The following ATF7IP variants were observed in gnomAD, a reference collection of about 807,000 sequenced individuals.
ATF7IP encodes activating transcription factor 7 interacting protein.
A neutral mutation model predicts 106.4 loss-of-function variants in ATF7IP; 23 were observed. The observed-to-expected ratio is 0.22, with a 90% CI of 0.16 to 0.31. The LOEUF is 0.31. Among genes scored for constraint, ATF7IP ranks in the 10% least tolerant of loss-of-function variants. The pLI is 1.00. For synonymous variants in ATF7IP, 542 were observed against 539.0 expected (o/e 1.01, Z -0.08); for missense variants, 1,334 against 1,524.3 (o/e 0.88, Z 2.08).
At chr12:14,453,375 T>C (rs1943282064) in intron 6 of ATF7IP, among the ~76,000 whole-genome samples, 3 of 152,174 alleles carry the variant, frequency 2.0e-5, no homozygotes, top group African/African-American at 7.2e-5. Context: ...TTTTTTTCAT[T>C]CTCTTTTTGC....
In ATF7IP at chr12:14,444,755, C is replaced by A. The variant is rs149773564; in HGVS notation, c.1930-2233C>A. Among the ~76,000 whole-genome samples the A allele has an allele frequency of 8.6e-3, 1,308 of 151,996 alleles. 12 individuals carry two copies. The highest frequency in any genetic ancestry group is 0.028 in the African/African-American group (1,156 of 41,492). ...TGGATTCATTTTTAAAATGATAATT[C>A]TTTTAAAAAAGAGTTTGAATACCAC... On this transcript the variant is annotated intron_variant, in intron 5 of 14. Coordinates refer to ENST00000261168, the MANE Select transcript of ATF7IP (RefSeq NM_018179.5).
chr12:14,465,463 T>A (rs1943796388), intron 9 of ATF7IP, among the ~76,000 whole-genome samples: 1 of 151,822 alleles, frequency 6.6e-6, no homozygotes, highest in African/African-American at 2.4e-5. Context: ...ATTAGTTTTG[T>A]TAGTCTTTCA....
intron 13 of ATF7IP, 90 bp from the exon 14 acceptor site, chr12:14,496,141 G>T: frequency 1.3e-6 from 1 of 773,446 alleles, no homozygotes; most frequent in Non-Finnish European, 2.1e-6. Context: ...TGAAAACATT[G>T]CTTCACTGCC....
chr12:14,444,964 T>TATGCA (rs1160270575), intron 5 of ATF7IP, among the ~76,000 whole-genome samples: 3 of 151,554 alleles, frequency 2.0e-5, no homozygotes, highest in African/African-American at 7.3e-5. Context: ...TTATGCATAC[T>TATGCA]ATGCAATTTT....
chr12:14,484,089 C>G (rs11524959), intron 13 of ATF7IP, among the ~76,000 whole-genome samples: 1 of 151,958 alleles, frequency 6.6e-6, no homozygotes, highest in Non-Finnish European at 1.5e-5. Context: ...CAACCTGCCA[C>G]CCGGTAGCTA....
At chr12:14,494,333 A>ATATATATATATG (rs1234871100) in intron 13 of ATF7IP, among the ~76,000 whole-genome samples, 25 of 85,974 alleles carry the variant, frequency 2.9e-4, no homozygotes, top group Non-Finnish European at 4.1e-4. Flanking sequence ...ATATATATAT[A>ATATATATATATG]TGTGTGTGTG....
intron 2 of ATF7IP, among the ~76,000 whole-genome samples, chr12:14,431,542 G>C (rs1333565148): frequency 6.6e-6 from 1 of 151,922 alleles, no homozygotes; most frequent in Non-Finnish European, 1.5e-5. Context: ...CTACAGGCAT[G>C]TACCACTACA....
chr12:14,391,676 T>C (rs1342447946), intron 1 of ATF7IP, among the ~76,000 whole-genome samples: 1 of 152,218 alleles, frequency 6.6e-6, no homozygotes. Flanking sequence ...CAAAGTACAG[T>C]ACCTATTTAT....
chr12:14,392,528 G>A (rs1939616288), intron 1 of ATF7IP, among the ~76,000 whole-genome samples: 1 of 152,188 alleles, frequency 6.6e-6, no homozygotes, highest in African/African-American at 2.4e-5. Flanking sequence ...TATTTATTAT[G>A]CACCTATTAT....
In ATF7IP at chr12:14,457,281, C is replaced by T; in HGVS notation, c.2144C>T (p.Thr715Ile). ...GAGAGTGCACCACCATCCTTTCAAA[C>T]TCCTGTGAATACAGGTAACTTTTTT... is the stretch of plus-strand genomic sequence containing the variant. ...VSESAPPSFQ[T>I]PVNTVSSTNL... is the part of the protein sequence containing the mutation. The change falls in exon 8 of 15, where the codon ACT (threonine) becomes ATT (isoleucine). Residue 715 changes from threonine to isoleucine, a missense_variant. Coordinates refer to ENST00000261168, the MANE Select transcript of ATF7IP (RefSeq NM_018179.5). The T allele has an allele frequency of 6.2e-7, 1 of 1,611,434 alleles. No individual in the cohort carries two copies. Among genetic ancestry groups the T allele is most frequent in the Non-Finnish European group, 8.5e-7 (1 of 1,178,998 alleles).
chr12:14,410,936 C>T (rs1940879321), intron 1 of ATF7IP, among the ~76,000 whole-genome samples: 1 of 152,126 alleles, frequency 6.6e-6, no homozygotes, highest in Non-Finnish European at 1.5e-5. Flanking sequence ...AAAGTTAATG[C>T]ATGTAGTAGC....
intron 1 of ATF7IP, among the ~76,000 whole-genome samples, chr12:14,423,453 C>T (rs1941640974): frequency 6.6e-6 from 1 of 151,770 alleles, no homozygotes; most frequent in Non-Finnish European, 1.5e-5. Flanking sequence ...TGCTTGGTTG[C>T]AAATGTAATC....
intron 1 of ATF7IP, among the ~76,000 whole-genome samples, chr12:14,366,917 G>C (rs906152053): frequency 6.6e-6 from 1 of 152,100 alleles, no homozygotes; most frequent in Non-Finnish European, 1.5e-5. Flanking sequence ...TTAATTGTAA[G>C]TGTGCTCCTG....
intron 1 of ATF7IP, among the ~76,000 whole-genome samples, chr12:14,413,692 GTT>G (rs1941051544): frequency 6.6e-6 from 1 of 152,002 alleles, no homozygotes; most frequent in African/African-American, 2.4e-5. Context: ...AAAAGGATAT[GTT>G]TTGTTATAGT....
intron 2 of ATF7IP, among the ~76,000 whole-genome samples, chr12:14,433,497 C>G (rs1338881111): frequency 6.6e-6 from 1 of 151,972 alleles, no homozygotes; most frequent in Non-Finnish European, 1.5e-5. Context: ...GAGTGAGACT[C>G]TATCTCAAAA....
chr12:14,462,351 A>G (rs1212885346), intron 9 of ATF7IP, among the ~76,000 whole-genome samples: 2 of 151,978 alleles, frequency 1.3e-5, no homozygotes, highest in African/African-American at 2.4e-5. Flanking sequence ...TTTGGGTGAT[A>G]GTTTATTTTT....
chr12:14,501,676 A>G lies in ATF7IP; in HGVS notation c.*3603A>G, dbSNP rs1014755083. 2 of 152,178 alleles carry G rather than the reference A, an allele frequency of 1.3e-5. No individual in the cohort carries two copies. Among genetic ancestry groups the G allele is most frequent in the African/African-American group, 4.8e-5 (2 of 41,454 alleles). The allele number at this position is 152,178 out of a possible 1,614,324, so 9.4% of individuals were successfully genotyped here. A position where few individuals can be genotyped will look rare whatever the true frequency, so the allele number is the denominator to read the frequency against. On this transcript the variant is annotated 3_prime_UTR_variant, in exon 15 of 15. Coordinates refer to ENST00000261168, the MANE Select transcript of ATF7IP (RefSeq NM_018179.5). The stretch of plus-strand genomic sequence containing the variant: ...TTTGTTGAGATACCATTTGCCTCAC[A>G]GAGAGGTGTTCCCCACTCCCATCCC...
At chr12:14,434,304 A>G (rs1441332778) in intron 2 of ATF7IP, 33 bp from the exon 3 acceptor site, 2 of 1,250,186 alleles carry the variant, frequency 1.6e-6, no homozygotes, top group South Asian at 1.3e-5. Context: ...ATTCTAGTAG[A>G]AGTAAGATTT....
intron 13 of ATF7IP, chr12:14,481,701 A>G (rs773978179): frequency 1.6e-5 from 6 of 375,972 alleles, no homozygotes; most frequent in Non-Finnish European, 2.6e-5. Context: ...CTGTATTAGT[A>G]TAGTACACAA....
Sources: allele counts gnomAD v4.1 joint callset (sites outside exome capture counted in the v4.1 genomes callset), GRCh38; gene constraint gnomAD v4.1.1; transcripts MANE v1.5; gene names NCBI Gene and HGNC (gene_info 2026-07-23, HGNC 2026-07-21).